The following FOXN1 variants were observed in gnomAD, a reference collection of about 807,000 sequenced individuals.
FOXN1 encodes forkhead box protein N1.
Under a neutral mutation model 49.0 loss-of-function variants are expected in FOXN1, and 15 were observed. That is an observed-to-expected ratio of 0.31 (90% CI 0.20 to 0.47). The LOEUF (loss-of-function observed/expected upper bound fraction) is 0.47, where lower values mean the gene tolerates loss of function less well. Among genes scored for constraint, FOXN1 ranks in the 20% least tolerant of loss-of-function variants. The probability of loss-of-function intolerance (pLI) is 1.00; values close to 1 mark genes in which losing one functional copy is unlikely to be tolerated. For missense variants in FOXN1, 800 were observed against 842.8 expected, an observed-to-expected ratio of 0.95 and a Z score of 0.63; for synonymous variants, 356 against 369.0, an observed-to-expected ratio of 0.96 and a Z score of 0.40.
chr17:28,509,310 C>T (rs1444014348), intron 1 of FOXN1, among the ~76,000 whole-genome samples: 2 of 151,956 alleles, frequency 1.3e-5, no homozygotes, highest in Admixed American at 1.3e-4. Flanking sequence ...GCCCAGCCCC[C>T]TTCCTACTCA....
intron 6 of FOXN1, among the ~76,000 whole-genome samples, chr17:28,533,519 C>G (rs946476140): frequency 1.3e-5 from 2 of 151,886 alleles, no homozygotes; most frequent in Non-Finnish European, 2.9e-5. Context: ...GGCCTCCCCA[C>G]CAGGGCACGC....
intron 5 of FOXN1, among the ~76,000 whole-genome samples, chr17:28,530,078 A>G (rs1452134940): frequency 2.0e-5 from 3 of 152,100 alleles, no homozygotes; most frequent in African/African-American, 7.2e-5. Flanking sequence ...AGAAATATCT[A>G]ATGTAGATGA....
chr17:28,523,966 G>A lies in FOXN1; in HGVS notation c.-4G>A. The A allele has an allele frequency of 6.2e-7, 1 of 1,613,120 alleles. No homozygotes were observed. On this transcript the variant is annotated 5_prime_UTR_variant, in exon 2 of 9. Coordinates refer to ENST00000579795, the MANE Select transcript of FOXN1 (RefSeq NM_001369369.1). ...ACGGCTTTCTTTGAGGCCAGGACTGGGTGATGGTGTCGCTACCCCCGCCGC... is the reference window on the plus strand; with the variant it reads ...ACGGCTTTCTTTGAGGCCAGGACTGAGTGATGGTGTCGCTACCCCCGCCGC...
chr17:28,508,341 G>A (rs576011568), intron 1 of FOXN1, among the ~76,000 whole-genome samples: 1 of 152,300 alleles, frequency 6.6e-6, no homozygotes, highest in African/African-American at 2.4e-5. Context: ...AGGCTTCATC[G>A]CGAGAAGGCT....
chr17:28,518,662 C>T lies in FOXN1; in HGVS notation c.-14-5294C>T, dbSNP rs1436162385. Among the ~76,000 whole-genome samples, 3 of 152,296 alleles carry T rather than the reference C, an allele frequency of 2.0e-5. No individual in the cohort carries two copies. The East Asian group carries it at 5.8e-4, about 29-fold the overall frequency. On this transcript the variant is annotated intron_variant, in intron 1 of 8. Coordinates refer to ENST00000579795, the MANE Select transcript of FOXN1 (RefSeq NM_001369369.1). ...AGATCAAGTCCACCTCTTCCATCCCCGCTCCCCAAGGATCATGGCAGGCGG... is the reference window on the plus strand; with the variant it reads ...AGATCAAGTCCACCTCTTCCATCCCTGCTCCCCAAGGATCATGGCAGGCGG...
In FOXN1 at chr17:28,538,573, T is replaced by C. The variant is rs1250546701; in HGVS notation, c.*1137T>C. On this transcript the variant is annotated 3_prime_UTR_variant, in exon 9 of 9. Coordinates refer to ENST00000579795, the MANE Select transcript of FOXN1 (RefSeq NM_001369369.1). Reference sequence around the variant, plus strand: ...GGAGCACCTGTTAGTTACTTCCAACTGTCTCAGGCAACCTGGGCATTCAGG... The same window carrying C: ...GGAGCACCTGTTAGTTACTTCCAACCGTCTCAGGCAACCTGGGCATTCAGG... 3 of 152,230 alleles carry C rather than the reference T, an allele frequency of 2.0e-5. No homozygotes were observed. 9.4% of individuals were successfully genotyped at this position (152,230 alleles called of 1,614,324 possible). A position where few individuals can be genotyped will look rare whatever the true frequency, so the allele number is the denominator to read the frequency against.
At chr17:28,529,314 G>A (rs1360651891) in intron 5 of FOXN1, 90 bp downstream of exon 5, 15 of 1,498,568 alleles carry the variant, frequency 1.0e-5, no homozygotes, top group African/African-American at 1.4e-5. Flanking sequence ...GGGTCTACCA[G>A]TAATGGCAGC....
In FOXN1 at chr17:28,537,131, C is replaced by G; in HGVS notation, c.1642C>G (p.Gln548Glu). 1 of 1,614,012 alleles carries G rather than the reference C, an allele frequency of 6.2e-7. No individual in the cohort carries two copies. Among genetic ancestry groups the G allele is most frequent in the Non-Finnish European group, 8.5e-7 (1 of 1,179,866 alleles). ...TCCCCATCTAGGAAACCTGTGGGAACAGTTGAAGGATGATAGCTTGGCCCT... is the reference window on the plus strand; with the variant it reads ...TCCCCATCTAGGAAACCTGTGGGAAGAGTTGAAGGATGATAGCTTGGCCCT... ...DFDFQGNLWEQLKDDSLALDP... is the reference protein window; with the variant it reads ...DFDFQGNLWEELKDDSLALDP... The change falls in exon 9 of 9, where the codon CAG becomes GAG. Residue 548 changes from glutamine to glutamate, a missense_variant. Transcript: ENST00000579795.
rs200888774 is a variant in FOXN1 at position 28,524,539 on chromosome 17, G to A, written c.160G>A (p.Asp54Asn). Residue 54 changes from aspartate (D) to asparagine (N), a missense_variant, in exon 3 of 9, where the codon GAC (aspartate) becomes AAC (asparagine). This residue lies in a region of FOXN1 where 383 missense variants were observed against 357.9 expected (regional missense o/e 1.07). Coordinates refer to ENST00000579795, the MANE Select transcript of FOXN1 (RefSeq NM_001369369.1). ...CTTCAGCTGCTCGTCATTTGTGTCC[G>A]ACGGCCCTCCAGAGAGGACACCCTC... ...AGFSCSSFVS[D>N]GPPERTPSLP... is the part of the protein sequence containing the mutation. 143 of 1,613,578 alleles carry A rather than the reference G, an allele frequency of 8.9e-5. No homozygotes were observed. The highest frequency in any genetic ancestry group is 1.3e-4 in the South Asian group (12 of 91,084).
intron 1 of FOXN1, among the ~76,000 whole-genome samples, chr17:28,514,925 G>A (rs565529783): frequency 6.6e-5 from 10 of 152,286 alleles, no homozygotes; most frequent in East Asian, 3.9e-4. Context: ...AGGCTGAGGC[G>A]TTACCAAGGT....
At position 28,524,734 on chromosome 17, in the gene FOXN1, A is replaced by G. The variant is rs1424649952; in HGVS notation, c.355A>G (p.Ser119Gly). 6.2e-7 allele frequency: 1 copy of G among 1,612,808 alleles called. No individual in the cohort carries two copies. Among genetic ancestry groups the G allele is most frequent in the South Asian group, 1.1e-5 (1 of 90,984 alleles). ...ASSPGRFLKGSHAPFHPYKRP... is the reference protein window; with the variant it reads ...ASSPGRFLKGGHAPFHPYKRP... ...CAGCCCTGGGCGATTCCTCAAGGGC[A>G]GCCACGCGCCCTTCCACCCGTACAA... Residue 119 changes from serine to glycine, a missense_variant, in exon 3 of 9, where the codon AGC becomes GGC. Transcript: ENST00000579795.
Position 28,534,026 on chromosome 17 carries a change from G to C in FOXN1, c.928-305G>C, listed in dbSNP as rs996051802. On this transcript the variant is annotated intron_variant, in intron 6 of 8. Coordinates refer to ENST00000579795, the MANE Select transcript of FOXN1 (RefSeq NM_001369369.1). The surrounding 1 kb of genome is among the most constrained non-coding windows in gnomAD (Gnocchi z 4.1). ...GAGTGTTGTGGGTCAGAAGGCCTCT[G>C]TAGCGCCCACCAGCCCTGGCTTTCC... 2.0e-5 allele frequency among the ~76,000 whole-genome samples: 3 copies of C among 152,192 alleles called. No individual in the cohort carries two copies. The highest frequency in any genetic ancestry group is 4.4e-5 in the Non-Finnish European group (3 of 68,030).
intron 3 of FOXN1, among the ~76,000 whole-genome samples, chr17:28,526,783 G>C (rs2069779540): frequency 1.3e-5 from 2 of 152,276 alleles, no homozygotes; most frequent in Admixed American, 1.3e-4. Context: ...CCCACAGCTG[G>C]ACCAGCCTGT....
chr17:28,534,258 T>A lies in FOXN1; in HGVS notation c.928-73T>A. Reference sequence around the variant, plus strand: ...GCCCAGAGGAGAAACAGGAGTGTTCTAGAACCCAGACCTGAAGCCCGCTCT... The same window carrying A: ...GCCCAGAGGAGAAACAGGAGTGTTCAAGAACCCAGACCTGAAGCCCGCTCT... On this transcript the variant is annotated intron_variant, in intron 6 of 8. Coordinates refer to ENST00000579795, the MANE Select transcript of FOXN1 (RefSeq NM_001369369.1). The surrounding 1 kb of genome is among the most constrained non-coding windows in gnomAD (Gnocchi z 4.1). The A allele has an allele frequency of 6.2e-7, 1 of 1,610,930 alleles. No homozygotes were observed. Among genetic ancestry groups the A allele is most frequent in the African/African-American group, 1.3e-5 (1 of 75,034 alleles).
At chr17:28,526,345 G>T (rs1308478788) in intron 3 of FOXN1, among the ~76,000 whole-genome samples, 1 of 152,252 alleles carries the variant, frequency 6.6e-6, no homozygotes, top group Non-Finnish European at 1.5e-5. Context: ...CACCCAGAGA[G>T]AGGTCACAGC....
chr17:28,510,125 A>G (rs534679205), intron 1 of FOXN1, among the ~76,000 whole-genome samples: 1 of 152,086 alleles, frequency 6.6e-6, no homozygotes, highest in East Asian at 1.9e-4. Context: ...TGCAACAGAA[A>G]GCCCACTGCA....
intron 3 of FOXN1, among the ~76,000 whole-genome samples, chr17:28,525,855 C>A (rs2069755402): frequency 6.6e-6 from 1 of 152,086 alleles, no homozygotes; most frequent in Non-Finnish European, 1.5e-5. Flanking sequence ...GGCCCTTTGA[C>A]CACTTCTTCT....
chr17:28,525,831 CA>C (rs1160447276), intron 3 of FOXN1, among the ~76,000 whole-genome samples: 1 of 152,084 alleles, frequency 6.6e-6, no homozygotes, highest in Non-Finnish European at 1.5e-5. Flanking sequence ...GTGGCCAAAA[CA>C]GGACTTTATT....
chr17:28,518,832 C>A (rs182702512), intron 1 of FOXN1, among the ~76,000 whole-genome samples: 1 of 152,202 alleles, frequency 6.6e-6, no homozygotes, highest in Admixed American at 6.5e-5. Context: ...GCTGTGTAAC[C>A]CTGCGCAGGT....
Sources: gnomAD v4.1 joint callset for allele counts (sites outside exome capture counted in the v4.1 genomes callset) on GRCh38, gnomAD v4.1.1 for gene constraint, gnomAD v4.1.1 regional missense constraint, Gnocchi (gnomAD v3.1) non-coding constraint, MANE v1.5 for transcripts, NCBI Gene and HGNC (gene_info 2026-07-23, HGNC 2026-07-21) for gene names.